The following LGR5 variants were observed in gnomAD, a reference collection of about 807,000 sequenced individuals.
LGR5 encodes the protein leucine-rich repeat-containing G protein-coupled receptor 5.
In LGR5, 54 loss-of-function variants were observed where a neutral mutation model predicts 76.7. That is an observed-to-expected ratio of 0.70 (90% CI 0.57 to 0.88). The LOEUF (loss-of-function observed/expected upper bound fraction) is 0.88, where lower values mean the gene tolerates loss of function less well. Among genes scored for constraint, LGR5 ranks in the 40% least tolerant of loss-of-function variants. LGR5 has a pLI of 0.00. For synonymous variants in LGR5, 406 were observed against 421.9 expected (o/e 0.96, Z 0.46); for missense variants, 1,078 against 1,073.3 (o/e 1.00, Z -0.06).
intron 1 of LGR5, among the ~76,000 whole-genome samples, chr12:71,494,921 G>T (rs1040010000): frequency 6.6e-6 from 1 of 151,250 alleles, no homozygotes; most frequent in African/African-American, 2.5e-5. Flanking sequence ...AACTTGGAGA[G>T]CTCAGGACAC....
intron 7 of LGR5, among the ~76,000 whole-genome samples, chr12:71,559,871 T>TA (rs957961253): frequency 6.6e-6 from 1 of 152,156 alleles, no homozygotes; most frequent in Non-Finnish European, 1.5e-5. Context: ...ACATATATAT[T>TA]AAAAAAACAT....
chr12:71,450,998 C>A (rs1048642540), intron 1 of LGR5, among the ~76,000 whole-genome samples: 1 of 152,168 alleles, frequency 6.6e-6, no homozygotes, highest in Non-Finnish European at 1.5e-5. Context: ...GCCAATCCCC[C>A]CTCCCTAGCT....
In LGR5 at chr12:71,473,084, A is replaced by G. The variant is rs116580329; in HGVS notation, c.213-31530A>G. Among the ~76,000 whole-genome samples, 412 of 152,302 alleles carry G rather than the reference A, an allele frequency of 2.7e-3. 3 individuals are homozygous for G. Among genetic ancestry groups the G allele is most frequent in the African/African-American group, 9.3e-3 (386 of 41,568 alleles). Reference sequence around the variant, plus strand: ...CTATCAATAATTCATATATGAACATAATCGATTTTAGTATTTAATTATTGC... The same window carrying G: ...CTATCAATAATTCATATATGAACATGATCGATTTTAGTATTTAATTATTGC... On this transcript the variant is annotated intron_variant, in intron 1 of 17. Transcript: ENST00000266674.
At chr12:71,452,894 C>T (rs1181001605) in intron 1 of LGR5, among the ~76,000 whole-genome samples, 1 of 152,168 alleles carries the variant, frequency 6.6e-6, no homozygotes, top group Non-Finnish European at 1.5e-5. Context: ...TGGCACCTTA[C>T]TTGTGTAGGA....
intron 1 of LGR5, among the ~76,000 whole-genome samples, chr12:71,455,166 A>C (rs2137216844): frequency 6.6e-6 from 1 of 152,258 alleles, no homozygotes; most frequent in South Asian, 2.1e-4. Context: ...AATGTATTTA[A>C]ACTCCCCAAG....
At chr12:71,535,767 C>G (rs1230407494) in intron 4 of LGR5, among the ~76,000 whole-genome samples, 2 of 152,126 alleles carry the variant, frequency 1.3e-5, no homozygotes, top group Non-Finnish European at 2.9e-5. Flanking sequence ...ACAAACATAC[C>G]TTAGATTCAC....
intron 8 of LGR5, among the ~76,000 whole-genome samples, chr12:71,563,128 C>A (rs894869450): frequency 2.0e-5 from 3 of 151,990 alleles, no homozygotes; most frequent in Non-Finnish European, 4.4e-5. Flanking sequence ...CGGCGCCAAC[C>A]CCAACTCTAT....
chr12:71,520,427 G>A (rs79574577), intron 2 of LGR5, among the ~76,000 whole-genome samples: 1 of 152,120 alleles, frequency 6.6e-6, no homozygotes, highest in African/African-American at 2.4e-5. Context: ...TTGCTAATCA[G>A]GTATGGAGAT....
At chr12:71,517,704 T>A (rs969611770) in intron 2 of LGR5, among the ~76,000 whole-genome samples, 1 of 152,306 alleles carries the variant, frequency 6.6e-6, no homozygotes, top group South Asian at 2.1e-4. Context: ...GTCAGTTGAG[T>A]CTGATCAATT....
chr12:71,442,593 TAA>T (rs1235021254), intron 1 of LGR5, among the ~76,000 whole-genome samples: 3 of 152,194 alleles, frequency 2.0e-5, no homozygotes, highest in Non-Finnish European at 2.9e-5. Flanking sequence ...AGTCCTGAAG[TAA>T]ATAAGCAATG....
intron 1 of LGR5, among the ~76,000 whole-genome samples, chr12:71,489,271 C>A (rs1873961993): frequency 1.3e-5 from 2 of 152,058 alleles, no homozygotes; most frequent in African/African-American, 4.8e-5. Flanking sequence ...ACAATTTGAA[C>A]CATTTTATCC....
rs1879229219 is a variant in LGR5, at chr12:71,584,352, C to G, written c.2342C>G (p.Pro781Arg). ...LLFTNCILNC[P>R]VAFLSFSSLI... Reference sequence around the variant, plus strand: ...TTCACCAACTGCATCCTAAACTGCCCTGTGGCTTTCTTGTCCTTCTCCTCT... The same window carrying G: ...TTCACCAACTGCATCCTAAACTGCCGTGTGGCTTTCTTGTCCTTCTCCTCT... Residue 781 changes from proline (P) to arginine (R), a missense_variant, in exon 18 of 18, where the codon CCT (proline) becomes CGT (arginine). By Grantham distance (103) the Pro-to-Arg change is moderately radical. Coordinates refer to ENST00000266674, the MANE Select transcript of LGR5 (RefSeq NM_003667.4). The G allele has an allele frequency of 1.2e-6, 2 of 1,614,118 alleles. No individual in the cohort carries two copies. The highest frequency in any genetic ancestry group is 2.2e-5 in the South Asian group (2 of 91,092).
At chr12:71,531,873 C>CA (rs1182281237) in intron 3 of LGR5, among the ~76,000 whole-genome samples, 1 of 151,462 alleles carries the variant, frequency 6.6e-6, no homozygotes, top group Non-Finnish European at 1.5e-5. Context: ...GTCCCCCCTC[C>CA]AAAAAAAAGT....
intron 13 of LGR5, among the ~76,000 whole-genome samples, chr12:71,573,913 T>TA (rs3070200): frequency 0.013 from 1,943 of 147,190 alleles, 22 homozygotes; most frequent in African/African-American, 0.033. Flanking sequence ...TGCTTTTACT[T>TA]AAAAAAAAAA....
chr12:71,451,146 GA>G (rs1350227912), intron 1 of LGR5, among the ~76,000 whole-genome samples: 1 of 152,372 alleles, frequency 6.6e-6, no homozygotes, highest in East Asian at 1.9e-4. Context: ...TTTATGGACA[GA>G]AGAGGGAAAG....
At chr12:71,541,479 A>G (rs1876878002) in intron 4 of LGR5, among the ~76,000 whole-genome samples, 2 of 152,246 alleles carry the variant, frequency 1.3e-5, no homozygotes, top group Non-Finnish European at 2.9e-5. Context: ...TTGGTTACAG[A>G]GATGACTACC....
chr12:71,439,675 G>C, upstream of LGR5: 2 of 200,616 alleles, frequency 1.0e-5, no homozygotes, highest in Non-Finnish European at 2.0e-5. Flanking sequence ...AGGAGGGAGG[G>C]GACAAGTGGA....
intron 1 of LGR5, among the ~76,000 whole-genome samples, chr12:71,478,703 G>T (rs1480138685): frequency 2.6e-5 from 4 of 152,150 alleles, no homozygotes; most frequent in African/African-American, 4.8e-5. Flanking sequence ...TTAGTTTAAA[G>T]AAAGGGAATG....
At chr12:71,457,464 G>A (rs1335804949) in intron 1 of LGR5, among the ~76,000 whole-genome samples, 1 of 152,126 alleles carries the variant, frequency 6.6e-6, no homozygotes, top group African/African-American at 2.4e-5. Context: ...CTAAAGTAAA[G>A]GGGATCAGAA....
Sources: allele counts gnomAD v4.1 joint callset (sites outside exome capture counted in the v4.1 genomes callset), GRCh38; gene constraint gnomAD v4.1.1; transcripts MANE v1.5; gene names NCBI Gene and HGNC (gene_info 2026-07-23, HGNC 2026-07-21).